Variants in ANKRD36 observed in about 807,000 individuals in gnomAD.
The protein encoded by ANKRD36 is ankyrin repeat domain 36.
ANKRD36 carries 179 observed loss-of-function variants against 278.1 expected under a neutral mutation model. That is an observed-to-expected ratio of 0.64 (90% confidence interval 0.57 to 0.73). The LOEUF (loss-of-function observed/expected upper bound fraction) is 0.73. ANKRD36 is among the 30% of genes least tolerant of loss of function. The pLI, the probability that ANKRD36 is intolerant of heterozygous loss-of-function variation, is 0.00. For missense variants in ANKRD36, 1,159 were observed against 1,956.7 expected (o/e 0.59, Z 7.69); for synonymous variants, 320 against 641.1 (o/e 0.50, Z 7.57).
intron 11 of ANKRD36, among the ~76,000 whole-genome samples, chr2:97,147,440 T>A (rs972633627): frequency 1.3e-4 from 20 of 151,940 alleles, no homozygotes; most frequent in Non-Finnish European, 2.8e-4. Context: ...TTTCAGAATG[T>A]TAAGAAATCC....
In ANKRD36 at chr2:97,196,780, C is replaced by A. The variant is rs368011613; in HGVS notation, c.2645C>A (p.Ser882Tyr). The change falls in exon 42 of 76, where the codon TCT (serine) becomes TAT (tyrosine). Residue 882 changes from serine to tyrosine, a missense_variant. Physicochemically the swap from Ser to Tyr is moderately radical, Grantham distance 144. Coordinates refer to ENST00000420699, the MANE Select transcript of ANKRD36 (RefSeq NM_001354587.1). ...IARENKDGEK[S>Y]RTVSSEKPPG... is the part of the protein sequence containing the mutation. ...AGAGAAAACAAGGATGGAGAAAAATCTAGGACAGGTAATTCTGAAAACAGA... is the reference window on the plus strand; with the variant it reads ...AGAGAAAACAAGGATGGAGAAAAATATAGGACAGGTAATTCTGAAAACAGA... 5.8e-6 allele frequency: 9 copies of A among 1,547,298 alleles called. No individual in the cohort carries two copies. Among genetic ancestry groups the A allele is most frequent in the East Asian group, 2.4e-5 (1 of 40,950 alleles).
chr2:97,123,057 TC>T (rs2037348407), intron 4 of ANKRD36, 64 bp downstream of exon 4: 2 of 1,306,282 alleles, frequency 1.5e-6, no homozygotes, highest in African/African-American at 1.5e-5. Context: ...GTGGTAGCAG[TC>T]CCTCAAGTCA....
At chr2:97,194,007 A>C (rs1414675354) in intron 38 of ANKRD36, among the ~76,000 whole-genome samples, 1 of 151,680 alleles carries the variant, frequency 6.6e-6, no homozygotes, top group Admixed American at 6.6e-5. Context: ...ACTTTGTAGA[A>C]GTATGTCAAA....
chr2:97,151,457 A>AT (rs1290645716), intron 12 of ANKRD36, among the ~76,000 whole-genome samples: 3 of 124,868 alleles, frequency 2.4e-5, no homozygotes, highest in Admixed American at 1.5e-4. Context: ...ACATTCTCAC[A>AT]TTTTTTCCCA....
chr2:97,159,912 G>A (rs2048433914), intron 17 of ANKRD36, among the ~76,000 whole-genome samples: 1 of 152,040 alleles, frequency 6.6e-6, no homozygotes, highest in African/African-American at 2.4e-5. Context: ...CTCGCGAGTA[G>A]CTGGGACTAT....
Position 97,170,956 on chromosome 2 carries a change from A to C in ANKRD36, c.1633+3189A>C, listed in dbSNP as rs372741264. Among the ~76,000 whole-genome samples, 33 of 151,274 alleles carry C rather than the reference A, an allele frequency of 2.2e-4. No individual in the cohort carries two copies. In the South Asian group the frequency reaches 3.6e-3, roughly 17 times the overall value. The stretch of plus-strand genomic sequence containing the variant: ...CCAAAAAACACATGAAAAAATGCTC[A>C]TCATCACTGGCCATCAGAGAAATGC... On this transcript the variant is annotated intron_variant, in intron 22 of 75. Transcript: ENST00000420699.
chr2:97,124,547 T>A lies in ANKRD36; in HGVS notation c.681T>A (p.Asp227Glu), dbSNP rs1413530026. 2.6e-6 allele frequency: 4 copies of A among 1,553,130 alleles called. No homozygotes were observed. The highest frequency in any genetic ancestry group is 3.5e-6 in the Non-Finnish European group (4 of 1,147,450). Residue 227 changes from aspartate (D) to glutamate (E), a missense_variant, in exon 5 of 76, where the codon GAT becomes GAA. Asp to Glu is a conservative substitution (Grantham distance 45). Coordinates refer to ENST00000420699, the MANE Select transcript of ANKRD36 (RefSeq NM_001354587.1). The part of the protein sequence containing the change: ...LQHNIDVLSR[D>E]AFRKIAGDYA... ...ACAATATTGATGTGCTTTCTCGAGA[T>A]GCGTTTCGAAAGATTGCAGGAGATT...
chr2:97,179,079 G>T (rs1245952554), intron 22 of ANKRD36, among the ~76,000 whole-genome samples: 1 of 151,464 alleles, frequency 6.6e-6, no homozygotes, highest in Non-Finnish European at 1.5e-5. Context: ...ATACCTTGTT[G>T]CAATGAGTGG....
intron 22 of ANKRD36, among the ~76,000 whole-genome samples, chr2:97,175,540 G>T (rs1051518468): frequency 2.0e-5 from 3 of 151,666 alleles, no homozygotes; most frequent in African/African-American, 7.3e-5. Context: ...TCTTGCTAGT[G>T]GTCTCTCAAT....
chr2:97,148,492 T>A (rs888023703), intron 11 of ANKRD36, among the ~76,000 whole-genome samples: 319 of 137,336 alleles, frequency 2.3e-3, no homozygotes, highest in African/African-American at 6.4e-3. Context: ...TATAAGTACT[T>A]AGGAGGGAGA....
Position 97,197,200 on chromosome 2 carries a change from C to G in ANKRD36, c.2653+412C>G, listed in dbSNP as rs148839840. On this transcript the variant is annotated intron_variant, in intron 42 of 75. Coordinates refer to ENST00000420699, the MANE Select transcript of ANKRD36 (RefSeq NM_001354587.1). ...ATAACCCGTACACACTGTAGGAGAA[C>G]TAAGGAGACCCCTGTTGTAGCAATC... 6.6e-3 allele frequency among the ~76,000 whole-genome samples: 1,005 copies of G among 152,002 alleles called. 53 individuals carry two copies. The East Asian group carries it at 0.11, about 16-fold the overall frequency.
rs561076118 is a variant in ANKRD36 at position 97,204,026 on chromosome 2, A to C, written c.2960-42A>C. On this transcript the variant is annotated intron_variant, in intron 48 of 75. Coordinates refer to ENST00000420699, the MANE Select transcript of ANKRD36 (RefSeq NM_001354587.1). The stretch of plus-strand genomic sequence containing the variant: ...GCATGAATGTATGGATAATTTTGTC[A>C]TTTTTACATATGAGTGATTAGGAAT... The C allele has an allele frequency of 4.5e-6, 7 of 1,553,486 alleles. No individual in the cohort carries two copies. In the South Asian group the frequency reaches 7.2e-5, roughly 16 times the overall value.
At chr2:97,222,305 A>G (rs1372177935) in intron 66 of ANKRD36, among the ~76,000 whole-genome samples, 1 of 152,028 alleles carries the variant, frequency 6.6e-6, no homozygotes, top group Non-Finnish European at 1.5e-5. Context: ...GTTTTTTCCA[A>G]TTCTGTGAAG....
At chr2:97,202,832 T>C (rs2061772917) in intron 48 of ANKRD36, among the ~76,000 whole-genome samples, 1 of 151,678 alleles carries the variant, frequency 6.6e-6, no homozygotes, top group South Asian at 2.1e-4. Flanking sequence ...GTAGCAATCA[T>C]TTTGCCAAAG....
At chr2:97,170,751 CAG>C (rs1363991340) in intron 22 of ANKRD36, among the ~76,000 whole-genome samples, 1 of 151,898 alleles carries the variant, frequency 6.6e-6, no homozygotes, top group Non-Finnish European at 1.5e-5. Flanking sequence ...AAACTACCAT[CAG>C]AGTGAACAGG....
chr2:97,203,731 A>T (rs535338442), intron 48 of ANKRD36, among the ~76,000 whole-genome samples: 2 of 151,924 alleles, frequency 1.3e-5, no homozygotes, highest in South Asian at 4.2e-4. Flanking sequence ...CTGCTTTGAC[A>T]TTGATTCTGA....
chr2:97,175,493 C>G (rs1486606908), intron 22 of ANKRD36, among the ~76,000 whole-genome samples: 1 of 151,574 alleles, frequency 6.6e-6, no homozygotes, highest in Non-Finnish European at 1.5e-5. Context: ...TTTTTTATTG[C>G]GTCTATTTGA....
chr2:97,142,923 A>G, intron 8 of ANKRD36, 88 bp downstream of exon 8: 2 of 1,417,296 alleles, frequency 1.4e-6, no homozygotes, highest in Non-Finnish European at 9.4e-7. Flanking sequence ...AGCTCATTGA[A>G]TCTGCACATT....
At chr2:97,150,763 A>G (rs1460076944) in intron 12 of ANKRD36, among the ~76,000 whole-genome samples, 1 of 152,276 alleles carries the variant, frequency 6.6e-6, no homozygotes, top group Non-Finnish European at 1.5e-5. Flanking sequence ...TTAAATTTTT[A>G]AAGCCCCAAT....
Sources: allele counts gnomAD v4.1 joint callset (sites outside exome capture counted in the v4.1 genomes callset), GRCh38; gene constraint gnomAD v4.1.1; transcripts MANE v1.5; gene names NCBI Gene and HGNC (gene_info 2026-07-23, HGNC 2026-07-21).